CCDC178: variants seen among roughly 807,000 people sequenced by gnomAD.
The protein encoded by CCDC178 is coiled-coil domain containing 178, also known as coiled-coil domain-containing protein 178.
A neutral mutation model predicts 117.4 loss-of-function variants in CCDC178; 126 were observed. That is an observed-to-expected ratio of 1.07 (90% CI 0.93 to 1.24). The LOEUF (loss-of-function observed/expected upper bound fraction) is 1.24, where lower values mean the gene tolerates loss of function less well. Ranked by LOEUF, CCDC178 falls within the 50% of genes most tolerant of loss-of-function variation. The pLI is 0.00. For synonymous variants in CCDC178, 283 were observed against 313.4 expected, an observed-to-expected ratio of 0.90 and a Z score of 1.02; for missense variants, 1,030 against 986.9, an observed-to-expected ratio of 1.04 and a Z score of -0.59.
intron 20 of CCDC178, among the ~76,000 whole-genome samples, chr18:33,186,993 C>T (rs767056375): frequency 8.0e-5 from 12 of 150,338 alleles, no homozygotes; most frequent in Admixed American, 4.0e-4. Context: ...TAAAGGTAAG[C>T]GGTTTAATTG....
chr18:33,104,367 T>C (rs1282433606), intron 20 of CCDC178, among the ~76,000 whole-genome samples: 1 of 151,808 alleles, frequency 6.6e-6, no homozygotes, highest in Non-Finnish European at 1.5e-5. Flanking sequence ...TCATCATTAA[T>C]AGTTACCGAA....
chr18:33,419,612 TA>T (rs1482104132), intron 2 of CCDC178, among the ~76,000 whole-genome samples: 1 of 151,836 alleles, frequency 6.6e-6, no homozygotes, highest in African/African-American at 2.4e-5. Context: ...AGAAACCCAT[TA>T]AAAAGTGGGC....
chr18:33,294,786 C>A (rs548071820), intron 11 of CCDC178, among the ~76,000 whole-genome samples: 4 of 152,086 alleles, frequency 2.6e-5, no homozygotes, highest in Admixed American at 6.5e-5. Flanking sequence ...TATCTATTGC[C>A]TCCAGTCCAG....
At chr18:33,346,151 G>C in intron 9 of CCDC178, 60 bp downstream of exon 9, 1 of 1,289,140 alleles carries the variant, frequency 7.8e-7, no homozygotes, top group Non-Finnish European at 1.1e-6. Flanking sequence ...ATACAGACCT[G>C]TAATTAATTA....
intron 21 of CCDC178, among the ~76,000 whole-genome samples, chr18:33,001,158 T>C (rs957692074): frequency 6.6e-6 from 1 of 152,202 alleles, no homozygotes; most frequent in Non-Finnish European, 1.5e-5. Flanking sequence ...TTTAAAATAA[T>C]GGGTTATATG....
At chr18:33,001,257 T>C (rs1247516620) in intron 21 of CCDC178, among the ~76,000 whole-genome samples, 1 of 152,086 alleles carries the variant, frequency 6.6e-6, no homozygotes, top group Non-Finnish European at 1.5e-5. Context: ...CAGTGGCTCA[T>C]GCCTGTAATC....
chr18:33,246,365 C>A (rs2059548449), intron 14 of CCDC178, among the ~76,000 whole-genome samples: 1 of 151,700 alleles, frequency 6.6e-6, no homozygotes. Flanking sequence ...AGGTTGATGA[C>A]ACTTGGTTGC....
At chr18:33,305,531 G>T (rs922992131) in intron 11 of CCDC178, among the ~76,000 whole-genome samples, 1 of 151,970 alleles carries the variant, frequency 6.6e-6, no homozygotes, top group Non-Finnish European at 1.5e-5. Flanking sequence ...TCTCTGCAAA[G>T]GTGAGAGAGG....
intron 21 of CCDC178, among the ~76,000 whole-genome samples, chr18:33,051,668 C>T (rs958105210): frequency 2.6e-5 from 4 of 152,128 alleles, no homozygotes; most frequent in South Asian, 2.1e-4. Flanking sequence ...AAATATAGCT[C>T]GACAATTGTT....
At chr18:33,324,167 C>T (rs957551848) in intron 10 of CCDC178, among the ~76,000 whole-genome samples, 17 of 151,992 alleles carry the variant, frequency 1.1e-4, no homozygotes, top group African/African-American at 4.1e-4. Flanking sequence ...TACTAATGCT[C>T]ATGTCTCCAT....
chr18:33,157,806 T>A (rs534843509), intron 20 of CCDC178, among the ~76,000 whole-genome samples: 2 of 152,142 alleles, frequency 1.3e-5, no homozygotes, highest in Non-Finnish European at 2.9e-5. Flanking sequence ...TATCTGTCAC[T>A]TTTTTATTGT....
chr18:33,202,963 G>A (rs544401476), intron 20 of CCDC178, among the ~76,000 whole-genome samples: 1 of 152,204 alleles, frequency 6.6e-6, no homozygotes, highest in Admixed American at 6.5e-5. Context: ...TATTTTTAAT[G>A]TTGAATAGTA....
At chr18:33,287,442 A>G (rs2060112193) in intron 12 of CCDC178, among the ~76,000 whole-genome samples, 1 of 152,198 alleles carries the variant, frequency 6.6e-6, no homozygotes, top group Admixed American at 6.5e-5. Context: ...TAATTAAAAA[A>G]TATCACTAAC....
intron 6 of CCDC178, among the ~76,000 whole-genome samples, chr18:33,367,361 C>T (rs1276493931): frequency 1.3e-5 from 2 of 151,992 alleles, no homozygotes; most frequent in Non-Finnish European, 2.9e-5. Context: ...TAGGTTAATT[C>T]TGAATTATGA....
At chr18:33,041,145 A>G (rs867268486) in intron 21 of CCDC178, among the ~76,000 whole-genome samples, 2 of 151,918 alleles carry the variant, frequency 1.3e-5, no homozygotes, top group African/African-American at 4.8e-5. Flanking sequence ...CCATCAAGAC[A>G]CAAAATTTAA....
intron 21 of CCDC178, among the ~76,000 whole-genome samples, chr18:32,976,484 A>G (rs1472934269): frequency 6.6e-6 from 1 of 152,118 alleles, no homozygotes; most frequent in East Asian, 1.9e-4. Context: ...AATAATATTA[A>G]TTAAATTTGC....
chr18:33,005,713 T>G (rs1430034964), intron 21 of CCDC178, among the ~76,000 whole-genome samples: 1 of 152,052 alleles, frequency 6.6e-6, no homozygotes, highest in East Asian at 1.9e-4. Flanking sequence ...GACTATTTCA[T>G]GTAATCCATA....
At chr18:33,069,780 T>C (rs924239987) in intron 21 of CCDC178, among the ~76,000 whole-genome samples, 4 of 151,812 alleles carry the variant, frequency 2.6e-5, no homozygotes, top group Non-Finnish European at 5.9e-5. Context: ...AACTATCCAA[T>C]AAAAGATTCA....
intron 7 of CCDC178, among the ~76,000 whole-genome samples, chr18:33,351,148 ATGTG>A (rs143702049): frequency 7.5e-4 from 104 of 138,170 alleles, no homozygotes; most frequent in Admixed American, 2.3e-3. Context: ...ACTGATCATG[ATGTG>A]TGTGTGTGTG....
Sources: allele counts gnomAD v4.1 joint callset (sites outside exome capture counted in the v4.1 genomes callset), GRCh38; gene constraint gnomAD v4.1.1; transcripts MANE v1.5; gene names NCBI Gene and HGNC (gene_info 2026-07-23, HGNC 2026-07-21).